PAPSS1: variants seen among roughly 807,000 people sequenced by gnomAD.
PAPSS1 encodes the protein bifunctional 3'-phosphoadenosine 5'-phosphosulfate synthase 1.
Under a neutral mutation model 72.0 loss-of-function variants are expected in PAPSS1, and 50 were observed. The observed-to-expected ratio is 0.69, with a 90% CI of 0.55 to 0.88. The LOEUF (loss-of-function observed/expected upper bound fraction) is 0.88. PAPSS1 is among the 40% of genes least tolerant of loss of function. PAPSS1 has a pLI of 0.00. For synonymous variants in PAPSS1, 261 were observed against 263.6 expected (o/e 0.99, Z 0.09); for missense variants, 657 against 782.2 (o/e 0.84, Z 1.91).
At chr4:107,637,691 A>G (rs1726425837) in intron 10 of PAPSS1, among the ~76,000 whole-genome samples, 1 of 152,254 alleles carries the variant, frequency 6.6e-6, no homozygotes, top group African/African-American at 2.4e-5. Flanking sequence ...AATATTCTAT[A>G]AGGCCAACTT....
intron 3 of PAPSS1, among the ~76,000 whole-genome samples, chr4:107,690,900 CT>C: frequency 6.6e-6 from 1 of 152,198 alleles, no homozygotes; most frequent in South Asian, 2.1e-4. Context: ...AGACCTCCCC[CT>C]TTTCCGAGAG....
intron 10 of PAPSS1, among the ~76,000 whole-genome samples, chr4:107,641,274 T>C (rs1382958837): frequency 6.6e-6 from 1 of 152,210 alleles, no homozygotes; most frequent in Non-Finnish European, 1.5e-5. Flanking sequence ...CTGATGATCC[T>C]GGCCTGCCTT....
chr4:107,691,503 A>T (rs1722916532), intron 3 of PAPSS1, among the ~76,000 whole-genome samples: 1 of 152,144 alleles, frequency 6.6e-6, no homozygotes, highest in Non-Finnish European at 1.5e-5. Context: ...TTCCCAAGGG[A>T]GTATGCTATT....
chr4:107,639,483 T>C (rs1219697915), intron 10 of PAPSS1, among the ~76,000 whole-genome samples: 1 of 152,180 alleles, frequency 6.6e-6, no homozygotes, highest in East Asian at 1.9e-4. Context: ...AGAAAAATCA[T>C]TTACTTTGCT....
chr4:107,720,183 C>A lies in PAPSS1; in HGVS notation c.-4G>T, dbSNP rs201199394. The A allele has an allele frequency of 3.1e-6, 5 of 1,601,104 alleles. No homozygotes were observed. The highest frequency in any genetic ancestry group is 4.3e-6 in the Non-Finnish European group (5 of 1,174,870). On this transcript the variant is annotated 5_prime_UTR_variant, in exon 1 of 12. Transcript: ENST00000265174. The stretch of plus-strand genomic sequence containing the variant: ...ACAGGCTCCCGGGGATCTCCATGAC[C>A]GCGGAGCGCGCTGAGCAGCCGGGGT...
chr4:107,701,351 T>C (rs1723202143), intron 1 of PAPSS1, 66 bp from the exon 2 acceptor site: 2 of 985,484 alleles, frequency 2.0e-6, no homozygotes, highest in African/African-American at 3.3e-5. Flanking sequence ...CACATATTCC[T>C]TGCAAACACA....
At chr4:107,670,216 T>C (rs1276664687) in intron 5 of PAPSS1, among the ~76,000 whole-genome samples, 1 of 152,208 alleles carries the variant, frequency 6.6e-6, no homozygotes. Context: ...ATTTCTTATC[T>C]ATCCTTCTTT....
intron 2 of PAPSS1, among the ~76,000 whole-genome samples, chr4:107,697,107 G>C (rs536823292): frequency 6.6e-6 from 1 of 152,168 alleles, no homozygotes; most frequent in South Asian, 2.1e-4. Flanking sequence ...CCATGCTAAC[G>C]TGATCCCAAG....
chr4:107,615,085 A>C (rs1011291897), intron 11 of PAPSS1, among the ~76,000 whole-genome samples: 1 of 98,078 alleles, frequency 1.0e-5, no homozygotes, highest in South Asian at 2.8e-4. Flanking sequence ...AGTAAAATTG[A>C]ATTTTTTTTC....
At chr4:107,686,218 T>A (rs1722783543) in intron 4 of PAPSS1, among the ~76,000 whole-genome samples, 1 of 151,878 alleles carries the variant, frequency 6.6e-6, no homozygotes, top group Admixed American at 6.6e-5. Context: ...GAGCTGTCCC[T>A]TGGTAATCAT....
intron 11 of PAPSS1, among the ~76,000 whole-genome samples, chr4:107,621,963 G>A (rs747902781): frequency 4.6e-5 from 7 of 152,004 alleles, no homozygotes; most frequent in Non-Finnish European, 8.8e-5. Flanking sequence ...ACAAATGGCT[G>A]GGACCTATTT....
chr4:107,648,263 GA>G (rs1726743894), intron 9 of PAPSS1, among the ~76,000 whole-genome samples: 1 of 152,182 alleles, frequency 6.6e-6, no homozygotes, highest in African/African-American at 2.4e-5. Context: ...AGGAAATGAA[GA>G]TATCAGCATT....
chr4:107,621,745 C>T (rs1355075610), intron 11 of PAPSS1, among the ~76,000 whole-genome samples: 6 of 151,228 alleles, frequency 4.0e-5, no homozygotes, highest in East Asian at 2.0e-4. Context: ...CTCAGCCTCC[C>T]GAGTAGCTGG....
intron 6 of PAPSS1, among the ~76,000 whole-genome samples, chr4:107,658,367 AAG>A (rs1026500572): frequency 6.9e-6 from 1 of 145,962 alleles, no homozygotes; most frequent in African/African-American, 2.8e-5. Context: ...AAAAAAAAAA[AAG>A]AAAGGAAGAA....
chr4:107,688,931 C>T (rs1281255560), intron 3 of PAPSS1, among the ~76,000 whole-genome samples: 1 of 152,144 alleles, frequency 6.6e-6, no homozygotes, highest in Non-Finnish European at 1.5e-5. Flanking sequence ...TCAAGGAAGA[C>T]CACACTACAC....
At chr4:107,668,541 C>G (rs953130041) in intron 5 of PAPSS1, among the ~76,000 whole-genome samples, 2 of 152,070 alleles carry the variant, frequency 1.3e-5, no homozygotes, top group African/African-American at 2.4e-5. Context: ...TGGGTAGGCA[C>G]CATCTAATCA....
intron 5 of PAPSS1, among the ~76,000 whole-genome samples, chr4:107,678,023 C>A (rs7377479): frequency 0.18 from 27,843 of 151,934 alleles, 2,956 homozygotes; most frequent in East Asian, 0.37. Context: ...ACATCACACA[C>A]CGGGGCCTGT....
chr4:107,654,895 C>T lies in PAPSS1; in HGVS notation c.901G>A (p.Val301Ile), dbSNP rs1726958569. 2 of 1,612,652 alleles carry T rather than the reference C, an allele frequency of 1.2e-6. No homozygotes were observed. The highest frequency in any genetic ancestry group is 1.3e-5 in the African/African-American group (1 of 74,858). ...LHFDCLLDGG[V>I]INLSVPIVLT... The stretch of plus-strand genomic sequence containing the variant: ...ACTATAGGTACTGACAAGTTAATGA[C>T]ACCTCCTGCAGAGCACAAAAGAACA... The change falls in exon 8 of 12, where the codon GTC (valine) becomes ATC (isoleucine). Residue 301 changes from valine (V) to isoleucine (I), a missense_variant. By Grantham distance (29) the Val-to-Ile change is conservative. Coordinates refer to ENST00000265174, the MANE Select transcript of PAPSS1 (RefSeq NM_005443.5).
intron 11 of PAPSS1, among the ~76,000 whole-genome samples, chr4:107,631,074 A>G (rs894216591): frequency 1.5e-4 from 23 of 152,248 alleles, no homozygotes; most frequent in Non-Finnish European, 1.9e-4. Flanking sequence ...TATATTTGAA[A>G]CATAAATGAA....
Sources: allele counts gnomAD v4.1 joint callset (sites outside exome capture counted in the v4.1 genomes callset), GRCh38; gene constraint gnomAD v4.1.1; transcripts MANE v1.5; gene names NCBI Gene and HGNC (gene_info 2026-07-23, HGNC 2026-07-21).